Variants in ZNF44 observed in about 807,000 individuals in gnomAD.
ZNF44 encodes the protein zinc finger protein 44, also known as gonadotropin inducible transcription repressor-2.
Under a neutral mutation model 11.7 loss-of-function variants are expected in ZNF44, and 9 were observed. The ratio of observed to expected loss-of-function variants is 0.77; its 90% CI spans 0.46 to 1.35. The LOEUF is 1.35. ZNF44 is among the 40% of genes most tolerant of loss of function. The pLI is 0.00. For missense variants in ZNF44, 696 were observed against 743.1 expected, an observed-to-expected ratio of 0.94 and a Z score of 0.74; for synonymous variants, 224 against 242.7, an observed-to-expected ratio of 0.92 and a Z score of 0.72.
At chr19:12,254,605 T>G (rs1917163570) in intron 5 of ZNF44, among the ~76,000 whole-genome samples, 1 of 152,042 alleles carries the variant, frequency 6.6e-6, no homozygotes, top group Admixed American at 6.6e-5. Context: ...AATGGTGGCA[T>G]GCACCTGTAA....
chr19:12,247,607 A>G (rs972879772), downstream of ZNF44: 6 of 1,333,814 alleles, frequency 4.5e-6, no homozygotes, highest in Non-Finnish European at 6.0e-6. Flanking sequence ...TTTTACATTC[A>G]TACTGTTTCT....
chr19:12,294,842 C>A lies in ZNF44; in HGVS notation c.-148G>T, dbSNP rs1968182659. 5.3e-5 allele frequency: 47 copies of A among 887,032 alleles called. No homozygotes were observed. Among genetic ancestry groups the A allele is most frequent in the Non-Finnish European group, 7.5e-5 (46 of 612,182 alleles). 54.9% of individuals were successfully genotyped at this position (887,032 alleles called of 1,614,324 possible). On this transcript the variant is annotated 5_prime_UTR_variant, in exon 1 of 4. In the 5' UTR this introduces an upstream ATG that the reference lacks. Coordinates refer to ENST00000355684, the MANE Select transcript of ZNF44 (RefSeq NM_016264.4). ...ACCAGGGTGAAGAGGCCACTAGCTC[C>A]TGGAACGTCACACCCTCCTCTCTGC...
chr19:12,293,436 C>T, intron 1 of ZNF44: 1 of 1,476,186 alleles, frequency 6.8e-7, no homozygotes, highest in South Asian at 1.3e-5. Context: ...ACTGAGAAGG[C>T]ATCTGTGCCT....
At chr19:12,242,631 A>G (rs556099558) in intron 6 of ZNF44, 2 of 149,190 alleles carry the variant, frequency 1.3e-5, no homozygotes, top group African/African-American at 2.5e-5. Context: ...TGTCTGGGCA[A>G]TATAGTAAGA....
At chr19:12,279,925 G>GT (rs1267427969) in intron 1 of ZNF44, among the ~76,000 whole-genome samples, 1 of 148,006 alleles carries the variant, frequency 6.8e-6, no homozygotes, top group African/African-American at 2.5e-5. Context: ...TTCAGATTGT[G>GT]TGTGTGTGTG....
Position 12,273,164 on chromosome 19 carries a change from G to C in ZNF44, c.1091C>G (p.Pro364Arg), listed in dbSNP as rs374255890. ...IHEGTHTLEK[P>R]YECKQCGKLL... ...TTTCCCACATTGCTTACATTCATAG[G>C]GTTTCTCTAGAGTGTGAGTTCCTTC... Residue 364 changes from proline to arginine, a missense_variant, in exon 4 of 4, where the codon CCC becomes CGC. Physicochemically the swap from Pro to Arg is moderately radical, Grantham distance 103. Coordinates refer to ENST00000355684, the MANE Select transcript of ZNF44 (RefSeq NM_016264.4). 1.2e-6 allele frequency: 2 copies of C among 1,613,626 alleles called. No individual in the cohort carries two copies. Among genetic ancestry groups the C allele is most frequent in the African/African-American group, 2.7e-5 (2 of 74,916 alleles).
In ZNF44 at chr19:12,294,835, C is replaced by T; in HGVS notation, c.-141G>A. ...AGAGGTCACCAGGGTGAAGAGGCCA[C>T]TAGCTCCTGGAACGTCACACCCTCC... On this transcript the variant is annotated 5_prime_UTR_variant, in exon 1 of 4. It adds an upstream start codon to the 5' untranslated region. Transcript: ENST00000355684. 1 of 966,102 alleles carries T rather than the reference C, an allele frequency of 1.0e-6. No homozygotes were observed. The highest frequency in any genetic ancestry group is 3.2e-5 in the East Asian group (1 of 31,236). 59.8% of individuals were successfully genotyped at this position (966,102 alleles called of 1,614,324 possible). A position where few individuals can be genotyped will look rare whatever the true frequency, so the allele number is the denominator to read the frequency against.
At chr19:12,248,263 C>T (rs1392370431) in exon 8 of ZNF44, 1 of 1,297,534 alleles carries the variant, frequency 7.7e-7, no homozygotes, top group Admixed American at 2.3e-5. Flanking sequence ...AATGCTTTTC[C>T]ACATTCTTTA....
At chr19:12,259,602 G>A (rs993758829) in intron 5 of ZNF44, among the ~76,000 whole-genome samples, 24 of 151,948 alleles carry the variant, frequency 1.6e-4, no homozygotes, top group Non-Finnish European at 3.4e-4. Flanking sequence ...CTGGGGGAGG[G>A]TGTGTCCTCT....
At chr19:12,242,860 TTAAAAAC>T (rs1916667089), downstream of ZNF44, 3 of 151,150 alleles carry the variant, frequency 2.0e-5, no homozygotes, top group Non-Finnish European at 4.4e-5. Flanking sequence ...AGAAAAAAAA[TTAAAAAC>T]TAAAGACACA....
rs1173811759 is a variant in ZNF44, at chr19:12,290,395, C to CA, written c.3+4296dup. Among the ~76,000 whole-genome samples, 400 of 93,942 alleles carry CA rather than the reference C, an allele frequency of 4.3e-3. 1 individual carries two copies. Among genetic ancestry groups the CA allele is most frequent in the Middle Eastern group, 0.019 (2 of 108 alleles). The allele number at this position is 93,942 out of a possible 152,430, so 61.6% of individuals were successfully genotyped here. On this transcript the variant is annotated intron_variant, in intron 1 of 3. Transcript: ENST00000355684. ...AACAAGAGTGAAACTCCGTCTTAAA[C>CA]AAAAAAAAAAAAAAGGCTCCTCCCA...
rs55971577 is a variant in ZNF44 at position 12,288,774 on chromosome 19, G to GTATA, written c.3+5914_3+5917dup. Among the ~76,000 whole-genome samples the GTATA allele has an allele frequency of 6.8e-3, 525 of 76,788 alleles. 43 individuals are homozygous for GTATA. Among genetic ancestry groups the GTATA allele is most frequent in the African/African-American group, 0.033 (363 of 11,054 alleles). The allele number at this position is 76,788 out of a possible 152,430, so 50.4% of individuals were successfully genotyped here. On this transcript the variant is annotated intron_variant, in intron 1 of 3. Transcript: ENST00000355684. ...CTCCGTCTCAAAAAAAAAAAAAAAT[G>GTATA]TATATATATATATATATATATATAT...
chr19:12,231,229 A>G (rs1409864860), intron 2 of ZNF44, among the ~76,000 whole-genome samples: 1 of 152,086 alleles, frequency 6.6e-6, no homozygotes, highest in Non-Finnish European at 1.5e-5. Flanking sequence ...GTATGTTTGA[A>G]AAGTGGGGAC....
intron 5 of ZNF44, among the ~76,000 whole-genome samples, chr19:12,263,306 G>A (rs1004190306): frequency 2.6e-5 from 4 of 151,710 alleles, no homozygotes; most frequent in Admixed American, 6.6e-5. Flanking sequence ...GGGTGGTCTC[G>A]AAGTCCCGAC....
chr19:12,232,104 C>T (rs577123040), intron 2 of ZNF44, among the ~76,000 whole-genome samples: 1 of 152,320 alleles, frequency 6.6e-6, no homozygotes, highest in Non-Finnish European at 1.5e-5. Context: ...AAGGTCTTTG[C>T]ATCATAGTAA....
intron 1 of ZNF44, chr19:12,284,827 G>A (rs1967660030): frequency 3.4e-6 from 4 of 1,180,976 alleles, no homozygotes; most frequent in South Asian, 2.7e-5. Context: ...AACAAGATCG[G>A]CAAGCCCCAC....
At chr19:12,282,686 G>A (rs1967532727) in intron 1 of ZNF44, among the ~76,000 whole-genome samples, 7 of 152,108 alleles carry the variant, frequency 4.6e-5, no homozygotes, top group Admixed American at 4.6e-4. Flanking sequence ...GCCTCCCAAA[G>A]TGCTGGGATT....
chr19:12,225,741 C>T (rs1599475729), downstream of ZNF44, among the ~76,000 whole-genome samples: 2 of 152,106 alleles, frequency 1.3e-5, no homozygotes, highest in African/African-American at 4.8e-5. Flanking sequence ...TAATATTTGG[C>T]TTAAAAGGAG....
chr19:12,289,297 T>C (rs888126577), intron 1 of ZNF44, among the ~76,000 whole-genome samples: 6 of 151,904 alleles, frequency 3.9e-5, no homozygotes, highest in East Asian at 1.9e-4. Flanking sequence ...AAGAGTGAAA[T>C]TGTGTCTCAA....
Sources: gnomAD v4.1 joint callset for allele counts (sites outside exome capture counted in the v4.1 genomes callset) on GRCh38, gnomAD v4.1.1 for gene constraint, MANE v1.5 for transcripts, NCBI Gene and HGNC (gene_info 2026-07-23, HGNC 2026-07-21) for gene names.